Variants in CNTN1 observed in about 807,000 individuals in gnomAD.
CNTN1 encodes contactin 1, also known as contactin-1.
CNTN1 carries 38 observed loss-of-function variants against 126.4 expected under a neutral mutation model. The observed-to-expected ratio is 0.30, with a 90% CI of 0.23 to 0.39. CNTN1 has a LOEUF of 0.39. Among genes scored for constraint, CNTN1 ranks in the 10% least tolerant of loss-of-function variants. CNTN1 has a pLI of 1.00. For missense variants in CNTN1, 1,009 were observed against 1,248.4 expected (o/e 0.81, Z 2.89); for synonymous variants, 413 against 422.6 (o/e 0.98, Z 0.28).
chr12:40,938,230 T>A (rs897735732), intron 11 of CNTN1, among the ~76,000 whole-genome samples: 23 of 152,148 alleles, frequency 1.5e-4, no homozygotes, highest in Admixed American at 1.5e-3. Flanking sequence ...GAGCATGACA[T>A]CAATGAAGTA....
chr12:40,871,186 GAAAAAAAAA>G (rs201485882), intron 1 of CNTN1, among the ~76,000 whole-genome samples: 5 of 113,510 alleles, frequency 4.4e-5, no homozygotes, highest in Non-Finnish European at 9.8e-5. Context: ...CTGTTACAGA[GAAAAAAAAA>G]AAAAAAAAAA....
chr12:40,836,081 C>A (rs1470192237), intron 1 of CNTN1, among the ~76,000 whole-genome samples: 1 of 103,594 alleles, frequency 9.7e-6, no homozygotes, highest in Non-Finnish European at 2.2e-5. Context: ...TATATACGTA[C>A]ATATACAGGT....
At chr12:41,044,716 GA>G (rs1238878955) in intron 23 of CNTN1, among the ~76,000 whole-genome samples, 5 of 152,020 alleles carry the variant, frequency 3.3e-5, no homozygotes, top group African/African-American at 1.2e-4. Context: ...GAGTGCTTTG[GA>G]AAAGGACGTC....
At chr12:40,789,103 T>A (rs1048742938) in intron 1 of CNTN1, among the ~76,000 whole-genome samples, 1 of 152,180 alleles carries the variant, frequency 6.6e-6, no homozygotes, top group Admixed American at 6.5e-5. Context: ...AATTATTATT[T>A]CAGTGAATAC....
At chr12:40,710,924 C>A (rs1941897037) in intron 1 of CNTN1, among the ~76,000 whole-genome samples, 1 of 152,080 alleles carries the variant, frequency 6.6e-6, no homozygotes, top group Non-Finnish European at 1.5e-5. Context: ...GTTATTTCTA[C>A]TTTTGAATTT....
intron 1 of CNTN1, among the ~76,000 whole-genome samples, chr12:40,855,746 G>T (rs1942884716): frequency 1.3e-5 from 2 of 151,892 alleles, no homozygotes; most frequent in Non-Finnish European, 2.9e-5. Flanking sequence ...GTAACAGACG[G>T]GCTTTTAAAA....
intron 1 of CNTN1, among the ~76,000 whole-genome samples, chr12:40,712,628 T>C (rs1941949383): frequency 6.6e-6 from 1 of 152,070 alleles, no homozygotes; most frequent in Admixed American, 6.6e-5. Flanking sequence ...CCAGTCAAAC[T>C]GTGGACCTAT....
chr12:40,861,354 G>GA (rs1314665205), intron 1 of CNTN1, among the ~76,000 whole-genome samples: 3 of 151,152 alleles, frequency 2.0e-5, no homozygotes, highest in African/African-American at 2.4e-5. Flanking sequence ...TTTCTATTTA[G>GA]AAAAAAATAC....
chr12:40,918,415 G>A (rs1945320627), intron 3 of CNTN1, among the ~76,000 whole-genome samples: 1 of 152,008 alleles, frequency 6.6e-6, no homozygotes, highest in South Asian at 2.1e-4. Flanking sequence ...AGTTAAGTTT[G>A]GCAACACATG....
intron 9 of CNTN1, 72 bp from the exon 10 acceptor site, chr12:40,936,709 T>C: frequency 6.4e-6 from 10 of 1,573,526 alleles, no homozygotes; most frequent in Non-Finnish European, 8.7e-6. Flanking sequence ...CTAAATGTAA[T>C]ATTTATACTC....
At chr12:41,062,811 T>A (rs1949964013) in intron 23 of CNTN1, among the ~76,000 whole-genome samples, 1 of 152,188 alleles carries the variant, frequency 6.6e-6, no homozygotes, top group African/African-American at 2.4e-5. Context: ...AATGTTTGTT[T>A]TTATATATTT....
At chr12:40,810,305 A>C (rs533406792) in intron 1 of CNTN1, among the ~76,000 whole-genome samples, 1 of 152,200 alleles carries the variant, frequency 6.6e-6, no homozygotes, top group Non-Finnish European at 1.5e-5. Context: ...TTTGATATCT[A>C]TATACAAATT....
chr12:40,969,416 C>G (rs767482877), intron 15 of CNTN1, among the ~76,000 whole-genome samples: 7 of 152,078 alleles, frequency 4.6e-5, no homozygotes, highest in Non-Finnish European at 1.0e-4. Flanking sequence ...GAAACATACA[C>G]AGAGAGAGAA....
At chr12:40,692,690 C>T (rs1160524615) in intron 1 of CNTN1, 98 bp downstream of exon 1, 1 of 152,722 alleles carries the variant, frequency 6.5e-6, no homozygotes, top group East Asian at 1.9e-4. Context: ...GCCCTCGTCA[C>T]CCCCAAATCT....
In CNTN1 at chr12:40,933,810, G is replaced by C. The variant is rs777211268; in HGVS notation, c.917G>C (p.Gly306Ala). 1 of 1,612,288 alleles carries C rather than the reference G, an allele frequency of 6.2e-7. No homozygotes were observed. The highest frequency in any genetic ancestry group is 8.5e-7 in the Non-Finnish European group (1 of 1,178,816). Residue 306 changes from glycine to alanine, a missense_variant, in exon 9 of 24, where the codon GGC (glycine) becomes GCC (alanine). Physicochemically the swap from Gly to Ala is moderately conservative, Grantham distance 60. Transcript: ENST00000551295. ...TTCAATATTCAGCTAGAAGATGAAG[G>C]CATCTATGAATGTGAGGCTGAGAAC... Reference protein sequence around the residue: ...KIFNIQLEDEGIYECEAENIR... With the variant: ...KIFNIQLEDEAIYECEAENIR...
chr12:40,790,849 C>T (rs1392960728), intron 1 of CNTN1, among the ~76,000 whole-genome samples: 1 of 152,118 alleles, frequency 6.6e-6, no homozygotes, highest in Non-Finnish European at 1.5e-5. Context: ...ACTAATTCTA[C>T]CTAATTCACA....
At chr12:41,038,753 AT>A (rs1275631029) in intron 23 of CNTN1, among the ~76,000 whole-genome samples, 1 of 152,136 alleles carries the variant, frequency 6.6e-6, no homozygotes, top group Non-Finnish European at 1.5e-5. Context: ...AAAATAAATA[AT>A]ATATAGCAAT....
At chr12:40,937,542 G>A (rs748264909) in intron 10 of CNTN1, 28 bp from the exon 11 acceptor site, 2 of 1,374,242 alleles carry the variant, frequency 1.5e-6, no homozygotes, top group Non-Finnish European at 2.1e-6. Context: ...AGTTCATTGA[G>A]AATATGTTTC....
chr12:41,039,339 G>C (rs1026165212), intron 23 of CNTN1, among the ~76,000 whole-genome samples: 7 of 152,078 alleles, frequency 4.6e-5, no homozygotes, highest in African/African-American at 1.4e-4. Flanking sequence ...GAAGTGGGAG[G>C]CAGTTATATT....
Sources: allele counts gnomAD v4.1 joint callset (sites outside exome capture counted in the v4.1 genomes callset), GRCh38; gene constraint gnomAD v4.1.1; transcripts MANE v1.5; gene names NCBI Gene and HGNC (gene_info 2026-07-23, HGNC 2026-07-21).